Variants in IFT74 observed in about 807,000 individuals in gnomAD.
IFT74 encodes intraflagellar transport protein 74 homolog.
Under a neutral mutation model 96.7 loss-of-function variants are expected in IFT74, and 92 were observed. The ratio of observed to expected loss-of-function variants is 0.95; its 90% CI spans 0.80 to 1.13. The LOEUF is 1.13. Among genes scored for constraint, IFT74 ranks in the 50% most tolerant of loss-of-function variants. IFT74 has a pLI of 0.00. For missense variants in IFT74, 811 were observed against 698.2 expected, an observed-to-expected ratio of 1.16 and a Z score of -1.82; for synonymous variants, 223 against 213.2, an observed-to-expected ratio of 1.05 and a Z score of -0.40.
intron 12 of IFT74, among the ~76,000 whole-genome samples, chr9:27,027,911 A>G (rs1047692272): frequency 7.2e-5 from 11 of 152,168 alleles, no homozygotes; most frequent in African/African-American, 2.4e-4. Flanking sequence ...GACTATGTCT[A>G]TGTTTTCTTC....
chr9:26,948,448 A>AATTTTTTTT (rs1825819227), intron 1 of IFT74, among the ~76,000 whole-genome samples: 2 of 59,162 alleles, frequency 3.4e-5, no homozygotes, highest in Non-Finnish European at 3.8e-5. Flanking sequence ...GCTTTCCATT[A>AATTTTTTTT]TTTTTTTTTT....
chr9:27,054,727 C>T (rs1457903532), intron 16 of IFT74, among the ~76,000 whole-genome samples: 1 of 152,142 alleles, frequency 6.6e-6, no homozygotes, highest in Non-Finnish European at 1.5e-5. Flanking sequence ...ATGCACATTG[C>T]CAACAGAAGT....
At chr9:27,040,650 G>A (rs555568899) in intron 13 of IFT74, among the ~76,000 whole-genome samples, 63 of 151,878 alleles carry the variant, frequency 4.1e-4, no homozygotes, top group Non-Finnish European at 1.9e-4. Flanking sequence ...AAAGTCCTGT[G>A]GAGTTTTTTC....
At chr9:26,994,050 A>AC (rs1427645665) in intron 8 of IFT74, 1 of 152,108 alleles carries the variant, frequency 6.6e-6, no homozygotes, top group Non-Finnish European at 1.5e-5. Context: ...TTTTCTTTAG[A>AC]CCCTTCCTAT....
At chr9:27,011,788 C>A (rs1829091451) in intron 9 of IFT74, 118 bp from the exon 10 acceptor site, 1 of 465,710 alleles carries the variant, frequency 2.1e-6, no homozygotes, top group Admixed American at 4.3e-5. Context: ...TTTACTTAGT[C>A]ACTTTGAAAT....
chr9:26,997,735 C>T (rs1277343586), intron 8 of IFT74: 5 of 1,589,986 alleles, frequency 3.1e-6, no homozygotes, highest in Non-Finnish European at 4.3e-6. Flanking sequence ...TACCTAATGT[C>T]ACATTTGATG....
intron 12 of IFT74, among the ~76,000 whole-genome samples, chr9:27,028,572 A>G (rs1269239284): frequency 6.6e-6 from 1 of 152,136 alleles, no homozygotes; most frequent in Non-Finnish European, 1.5e-5. Flanking sequence ...CATGGCCAAC[A>G]TGGTGAAACC....
chr9:27,040,544 C>CAAAAAAAAAAAAAAAAAAAAAAAAAAAA (rs751893169), intron 13 of IFT74, among the ~76,000 whole-genome samples: 3 of 62,074 alleles, frequency 4.8e-5, no homozygotes, highest in Admixed American at 1.9e-4. Flanking sequence ...GACACTGTCT[C>CAAAAAAAAAAAAAAAAAAAAAAAAAAAA]AAAAAAAAAA....
At chr9:26,967,960 T>A (rs913098532) in intron 2 of IFT74, among the ~76,000 whole-genome samples, 1 of 152,162 alleles carries the variant, frequency 6.6e-6, no homozygotes, top group East Asian at 1.9e-4. Context: ...ATGATCTTTT[T>A]AATGTGTTGT....
Position 27,060,615 on chromosome 9 carries a change from C to T in IFT74, c.1648C>T (p.Gln550Ter). The change falls in exon 19 of 20, where the codon CAA becomes TAA. Residue 550 changes from glutamine to a stop codon, truncating the protein, a stop_gained. Transcript: ENST00000380062. LOFTEE classifies it high-confidence loss of function. ...SQLTNLERKW[Q>*]HLEQNNFAMK... Reference sequence around the variant, plus strand: ...GCTTACAAATTTGGAGAGAAAGTGGCAACACCTTGAGCAAAATAATTTTGC... The same window carrying T: ...GCTTACAAATTTGGAGAGAAAGTGGTAACACCTTGAGCAAAATAATTTTGC... 6.3e-7 allele frequency: 1 copy of T among 1,594,402 alleles called. No individual in the cohort carries two copies. The highest frequency in any genetic ancestry group is 8.6e-7 in the Non-Finnish European group (1 of 1,167,934).
intron 8 of IFT74, chr9:26,996,465 G>T: frequency 6.5e-7 from 1 of 1,534,414 alleles, no homozygotes; most frequent in Non-Finnish European, 8.8e-7. Context: ...TCTGCAGGCT[G>T]TTGGGGTAGC....
At chr9:27,026,626 C>T (rs1193371363) in intron 12 of IFT74, among the ~76,000 whole-genome samples, 1 of 152,090 alleles carries the variant, frequency 6.6e-6, no homozygotes, top group African/African-American at 2.4e-5. Context: ...ATCAAGTATT[C>T]TCAGACCACA....
chr9:27,043,185 T>C (rs1014503254), intron 13 of IFT74, among the ~76,000 whole-genome samples: 2 of 152,192 alleles, frequency 1.3e-5, no homozygotes, highest in East Asian at 3.8e-4. Context: ...TTTGTGACCA[T>C]TAGGTATTTA....
At chr9:26,975,518 T>TTCCAA in intron 2 of IFT74, among the ~76,000 whole-genome samples, 2 of 152,340 alleles carry the variant, frequency 1.3e-5, no homozygotes, top group Admixed American at 1.3e-4. Context: ...TTCATTATCT[T>TTCCAA]TCCAATATTT....
At chr9:26,962,423 C>A (rs1687611459) in intron 2 of IFT74, among the ~76,000 whole-genome samples, 1 of 152,136 alleles carries the variant, frequency 6.6e-6, no homozygotes, top group African/African-American at 2.4e-5. Context: ...CCTGCAGATA[C>A]TCAATTTAAA....
chr9:26,992,317 A>G (rs1827922897), intron 8 of IFT74, among the ~76,000 whole-genome samples: 1 of 152,174 alleles, frequency 6.6e-6, no homozygotes, highest in South Asian at 2.1e-4. Context: ...CATCCAAACC[A>G]TTTAAAAACT....
chr9:26,991,733 G>A (rs1827884087), intron 8 of IFT74, among the ~76,000 whole-genome samples: 1 of 151,686 alleles, frequency 6.6e-6, no homozygotes, highest in Admixed American at 6.6e-5. Context: ...CAAAGAATAA[G>A]AAATATATAA....
chr9:26,965,661 T>C (rs905875736), intron 2 of IFT74, among the ~76,000 whole-genome samples: 5 of 152,126 alleles, frequency 3.3e-5, no homozygotes, highest in South Asian at 4.1e-4. Flanking sequence ...TATGTATTCA[T>C]GGGGTAGGTC....
intron 12 of IFT74, among the ~76,000 whole-genome samples, chr9:27,019,507 AG>A (rs1479035293): frequency 6.6e-6 from 1 of 151,902 alleles, no homozygotes; most frequent in African/African-American, 2.4e-5. Context: ...CAAGGCTCAT[AG>A]GTGAGCCTTG....
Sources: allele counts gnomAD v4.1 joint callset (sites outside exome capture counted in the v4.1 genomes callset), GRCh38; gene constraint gnomAD v4.1.1; transcripts MANE v1.5; gene names NCBI Gene and HGNC (gene_info 2026-07-23, HGNC 2026-07-21).